Variants in MINDY4B observed in about 807,000 individuals in gnomAD.
The protein encoded by MINDY4B is MINDY family member 4B.
Under a neutral mutation model 16.7 loss-of-function variants are expected in MINDY4B, and 25 were observed. The observed-to-expected ratio is 1.49, with a 90% confidence interval of 1.09 to 2.09. The LOEUF is 2.09. Ranked by LOEUF, MINDY4B falls within the 30% of genes most tolerant of loss-of-function variation. The probability of loss-of-function intolerance (pLI) is 0.00; values close to 1 mark genes in which losing one functional copy is unlikely to be tolerated. For missense variants in MINDY4B, 327 were observed against 168.4 expected (o/e 1.94, Z -5.21); for synonymous variants, 132 against 61.9 (o/e 2.13, Z -5.32).
chr3:150,883,819 C>T lies in MINDY4B; in HGVS notation c.825-47G>A, dbSNP rs765737476. 98 of 697,628 alleles carry T rather than the reference C, an allele frequency of 1.4e-4. No homozygotes were observed. In the African/African-American group the frequency reaches 1.5e-3, roughly 11 times the overall value. 43.2% of individuals were successfully genotyped at this position (697,628 alleles called of 1,614,324 possible). A position where few individuals can be genotyped will look rare whatever the true frequency, so the allele number is the denominator to read the frequency against. On this transcript the variant is annotated intron_variant, in intron 8 of 11. Transcript: ENST00000465419. The stretch of plus-strand genomic sequence containing the variant: ...CAGCATCCAGTCAGAGACAGTGCAC[C>T]GGGAGCCTGCAGCTTCTTTTCCCCC...
chr3:150,873,160 A>C lies in MINDY4B; in HGVS notation c.1240+27T>G, dbSNP rs368487252. On this transcript the variant is annotated intron_variant, in intron 11 of 11. Transcript: ENST00000465419. ...CATCTCTTTGAGCACATTAAAATCC[A>C]CAACACCTGGAGTCTGAAATGCTCA... 1.7e-5 allele frequency: 12 copies of C among 692,730 alleles called. No homozygotes were observed. The East Asian group carries it at 2.7e-4, about 16-fold the overall frequency. The allele number at this position is 692,730 out of a possible 1,614,324, so 42.9% of individuals were successfully genotyped here.
chr3:150,873,467 T>C (rs1249637798), intron 10 of MINDY4B, 100 bp from the exon 11 acceptor site: 4 of 630,126 alleles, frequency 6.3e-6, no homozygotes, highest in South Asian at 1.9e-5. Context: ...CTGAGGTTTC[T>C]TGTTGCACTT....
At chr3:150,898,885 G>A (rs531389672) in intron 3 of MINDY4B, among the ~76,000 whole-genome samples, 12 of 152,154 alleles carry the variant, frequency 7.9e-5, no homozygotes, top group East Asian at 7.7e-4. Context: ...ACTTTGTCCC[G>A]GGTTTAGAGC....
At position 150,871,003 on chromosome 3, in the gene MINDY4B, A is replaced by G; in HGVS notation, c.*42T>C. ...CCACATTAGGCTTTTGCATCCCAGC[A>G]GTTCTGACACTTCAGACTTCATTGC... On this transcript the variant is annotated 3_prime_UTR_variant, in exon 12 of 12. Transcript: ENST00000465419. 1 of 687,026 alleles carries G rather than the reference A, an allele frequency of 1.5e-6. No homozygotes were observed. The highest frequency in any genetic ancestry group is 2.6e-6 in the Non-Finnish European group (1 of 377,676). 42.6% of individuals were successfully genotyped at this position (687,026 alleles called of 1,614,324 possible). A position where few individuals can be genotyped will look rare whatever the true frequency, so the allele number is the denominator to read the frequency against.
At chr3:150,898,854 T>A (rs913488225) in intron 3 of MINDY4B, among the ~76,000 whole-genome samples, 2 of 152,200 alleles carry the variant, frequency 1.3e-5, no homozygotes, top group Non-Finnish European at 2.9e-5. Context: ...AGGGTTAATG[T>A]TCTTACCCTG....
At chr3:150,887,960 T>C (rs991515355) in intron 7 of MINDY4B, among the ~76,000 whole-genome samples, 2 of 151,958 alleles carry the variant, frequency 1.3e-5, no homozygotes, top group Admixed American at 1.3e-4. Context: ...TACAAAAAAT[T>C]AGCCAGGCGT....
At chr3:150,877,023 G>A (rs188296872) in intron 10 of MINDY4B, among the ~76,000 whole-genome samples, 1 of 150,714 alleles carries the variant, frequency 6.6e-6, no homozygotes, top group Non-Finnish European at 1.5e-5. Context: ...TGGGGGGCTT[G>A]TCATGTCATC....
chr3:150,886,856 A>G (rs1010197556), intron 7 of MINDY4B, among the ~76,000 whole-genome samples: 5 of 152,158 alleles, frequency 3.3e-5, no homozygotes, highest in Non-Finnish European at 5.9e-5. Flanking sequence ...CACTCTCAAG[A>G]TCTTTAACTT....
At position 150,892,483 on chromosome 3, in the gene MINDY4B, C is replaced by G. The variant is rs546611579; in HGVS notation, c.521+841G>C. Among the ~76,000 whole-genome samples, 282 of 152,320 alleles carry G rather than the reference C, an allele frequency of 1.9e-3. 1 individual carries two copies. Among genetic ancestry groups the G allele is most frequent in the African/African-American group, 6.3e-3 (260 of 41,578 alleles). On this transcript the variant is annotated intron_variant, in intron 5 of 11. Coordinates refer to ENST00000465419, the MANE Select transcript of MINDY4B (RefSeq NM_001351281.2). The stretch of plus-strand genomic sequence containing the variant: ...TTTAGTTCCTCTTTGGGGGTAATAA[C>G]TTTACCTGCCTGAGGGCAGAAGTAT...
intron 3 of MINDY4B, among the ~76,000 whole-genome samples, chr3:150,899,446 A>T (rs1471936713): frequency 6.6e-6 from 1 of 152,198 alleles, no homozygotes; most frequent in Non-Finnish European, 1.5e-5. Flanking sequence ...AGTCATTATG[A>T]CCCCTAGACC....
At chr3:150,896,833 T>G (rs757661969) in intron 3 of MINDY4B, among the ~76,000 whole-genome samples, 1 of 151,778 alleles carries the variant, frequency 6.6e-6, no homozygotes, top group Non-Finnish European at 1.5e-5. Context: ...TTGGGACACA[T>G]TTTGTAACTT....
At chr3:150,886,667 C>G (rs1394247313) in intron 7 of MINDY4B, among the ~76,000 whole-genome samples, 1 of 152,184 alleles carries the variant, frequency 6.6e-6, no homozygotes, top group African/African-American at 2.4e-5. Context: ...TGTTTCCTTT[C>G]CTTTTCCAGC....
intron 3 of MINDY4B, among the ~76,000 whole-genome samples, chr3:150,899,694 G>GA (rs1712064757): frequency 6.6e-6 from 1 of 152,188 alleles, no homozygotes; most frequent in African/African-American, 2.4e-5. Flanking sequence ...CTACTGGGCA[G>GA]AGGGTAGGTC....
intron 1 of MINDY4B, 90 bp downstream of exon 1, chr3:150,905,237 A>T: frequency 2.5e-6 from 1 of 398,254 alleles, no homozygotes. Flanking sequence ...CTATAAAGGA[A>T]ATTTCTCATG....
intron 10 of MINDY4B, among the ~76,000 whole-genome samples, chr3:150,877,622 A>G (rs1241029733): frequency 6.6e-6 from 1 of 152,060 alleles, no homozygotes; most frequent in Non-Finnish European, 1.5e-5. Flanking sequence ...ATTTCCATAC[A>G]CCCGACAAGT....
At chr3:150,897,084 G>C (rs1468842830) in intron 3 of MINDY4B, among the ~76,000 whole-genome samples, 2 of 152,126 alleles carry the variant, frequency 1.3e-5, no homozygotes, top group African/African-American at 4.8e-5. Flanking sequence ...GAGTGGACAA[G>C]GGGATCACTT....
chr3:150,879,766 C>A (rs1377214156), intron 10 of MINDY4B, among the ~76,000 whole-genome samples: 2 of 152,126 alleles, frequency 1.3e-5, no homozygotes, highest in Non-Finnish European at 2.9e-5. Context: ...TGGGGGATGA[C>A]CTGGGCATTG....
At chr3:150,887,414 G>A (rs1234649792) in intron 7 of MINDY4B, among the ~76,000 whole-genome samples, 1 of 152,188 alleles carries the variant, frequency 6.6e-6, no homozygotes, top group Admixed American at 6.5e-5. Flanking sequence ...CCAGCAGAAA[G>A]CAAAACCAAG....
At chr3:150,901,412 C>T (rs1712111891) in intron 3 of MINDY4B, 1 of 152,416 alleles carries the variant, frequency 6.6e-6, no homozygotes, top group East Asian at 1.9e-4. Context: ...GTGCAGTGTT[C>T]CGGGAGCTCT....
Sources: allele counts gnomAD v4.1 joint callset (sites outside exome capture counted in the v4.1 genomes callset), GRCh38; gene constraint gnomAD v4.1.1; transcripts MANE v1.5; gene names NCBI Gene and HGNC (gene_info 2026-07-23, HGNC 2026-07-21).